MYH13: variants seen among roughly 807,000 people sequenced by gnomAD.
The protein encoded by MYH13 is myosin heavy chain 13.
MYH13 carries 177 observed loss-of-function variants against 232.1 expected under a neutral mutation model. The ratio of observed to expected loss-of-function variants is 0.76; its 90% CI spans 0.67 to 0.86. The LOEUF (loss-of-function observed/expected upper bound fraction) is 0.86, where lower values mean the gene tolerates loss of function less well. MYH13 is among the 40% of genes least tolerant of loss of function. MYH13 has a pLI of 0.00. For synonymous variants in MYH13, 884 were observed against 923.5 expected, an observed-to-expected ratio of 0.96 and a Z score of 0.78; for missense variants, 2,246 against 2,405.9, an observed-to-expected ratio of 0.93 and a Z score of 1.39.
chr17:10,322,547 T>C (rs970593247), intron 23 of MYH13, among the ~76,000 whole-genome samples: 1 of 151,798 alleles, frequency 6.6e-6, no homozygotes, highest in Non-Finnish European at 1.5e-5. Flanking sequence ...AGTTGCTAAC[T>C]CCTAATCTAT....
intron 24 of MYH13, 111 bp from the exon 25 acceptor site, chr17:10,320,607 G>T (rs1042756139): frequency 1.1e-5 from 13 of 1,221,612 alleles, no homozygotes; most frequent in Non-Finnish European, 1.5e-5. Context: ...CCTGTAGGGT[G>T]CTGGCTGCAA....
In MYH13 at chr17:10,311,944, C is replaced by G; in HGVS notation, c.4498G>C (p.Glu1500Gln). The G allele has an allele frequency of 6.2e-7, 1 of 1,614,012 alleles. No individual in the cohort carries two copies. The highest frequency in any genetic ancestry group is 8.5e-7 in the Non-Finnish European group (1 of 1,179,904). ...TTTTTGTTCTCTCGCCTCAGTGTCTCTAACTGGTCCACCACCTCCTCATAG... is the reference window on the plus strand; with the variant it reads ...TTTTTGTTCTCTCGCCTCAGTGTCTGTAACTGGTCCACCACCTCCTCATAG... Reference protein sequence around the residue: ...NAYEEVVDQLETLRRENKNLQ... With the variant: ...NAYEEVVDQLQTLRRENKNLQ... The change falls in exon 32 of 41, where the codon GAG becomes CAG. Residue 1500 changes from glutamate (E) to glutamine (Q), a missense_variant. By Grantham distance (29) the Glu-to-Gln change is conservative. Transcript: ENST00000252172.
In MYH13 at chr17:10,332,144, G is replaced by A. The variant is rs748717248; in HGVS notation, c.2253C>T (p.Asn751=). ...DSKNASEKLL[N]SIDVDREQFR... ...ACTGCTCCCGGTCCACATCGATGGA[G>A]TTGAGGAGCTTCTCTGAGGCATTTT... is the stretch of plus-strand genomic sequence containing the variant. Residue 751 remains asparagine (N), a synonymous_variant, in exon 20 of 41, where the codon AAC becomes AAT. Transcript: ENST00000252172. 3 of 1,613,922 alleles carry A rather than the reference G, an allele frequency of 1.9e-6. No homozygotes were observed. The highest frequency in any genetic ancestry group is 1.7e-6 in the Non-Finnish European group (2 of 1,179,914).
chr17:10,365,455 C>G (rs1360853442), intron 2 of MYH13, among the ~76,000 whole-genome samples: 3 of 152,188 alleles, frequency 2.0e-5, no homozygotes, highest in Non-Finnish European at 2.9e-5. Flanking sequence ...CGGGCCCTAT[C>G]CCCATGGTTT....
intron 7 of MYH13, 108 bp downstream of exon 7, chr17:10,359,852 C>G (rs2071778129): frequency 1.0e-6 from 1 of 961,892 alleles, no homozygotes. Flanking sequence ...AGAATTTTTC[C>G]TATTTGCCGT....
At chr17:10,310,629 C>T (rs1006474192) in intron 33 of MYH13, among the ~76,000 whole-genome samples, 13 of 152,144 alleles carry the variant, frequency 8.5e-5, no homozygotes, top group African/African-American at 2.7e-4. Context: ...AACCTATTCT[C>T]TAAAATGACA....
At chr17:10,349,335 G>T (rs1160308724) in intron 12 of MYH13, among the ~76,000 whole-genome samples, 4 of 151,932 alleles carry the variant, frequency 2.6e-5, no homozygotes, top group African/African-American at 9.7e-5. Context: ...TATAACCTCA[G>T]ATGATCCACC....
In MYH13 at chr17:10,330,440, C is replaced by T. The variant is rs746993123; in HGVS notation, c.2382G>A (p.Ala794=). The change falls in exon 21 of 41, where the codon GCG becomes GCA. Residue 794 remains alanine, a synonymous_variant. Coordinates refer to ENST00000252172, the MANE Select transcript of MYH13 (RefSeq NM_003802.3). ...KLVTLMTSTQ[A]VCRGYLMRVE... is the part of the protein sequence containing the mutation. Reference sequence around the variant, plus strand: ...CCCGCATCAGGTACCCCCTGCACACCGCCTGCGTGCTTGTCATCAGCGTCA... The same window carrying T: ...CCCGCATCAGGTACCCCCTGCACACTGCCTGCGTGCTTGTCATCAGCGTCA... 35 of 1,613,376 alleles carry T rather than the reference C, an allele frequency of 2.2e-5. No homozygotes were observed. Among genetic ancestry groups the T allele is most frequent in the South Asian group, 9.9e-5 (9 of 90,970 alleles).
intron 2 of MYH13, among the ~76,000 whole-genome samples, chr17:10,368,558 T>C (rs2071855288): frequency 2.0e-5 from 3 of 152,194 alleles, no homozygotes. Flanking sequence ...AAGTGTATGG[T>C]AGTGAAGAAT....
chr17:10,368,867 T>C (rs2071857932), intron 2 of MYH13, among the ~76,000 whole-genome samples: 1 of 152,158 alleles, frequency 6.6e-6, no homozygotes, highest in Non-Finnish European at 1.5e-5. Context: ...CCCAAAAGTG[T>C]TGGAAGATGA....
chr17:10,334,425 A>C (rs1437831504), intron 18 of MYH13, among the ~76,000 whole-genome samples: 1 of 152,222 alleles, frequency 6.6e-6, no homozygotes, highest in Non-Finnish European at 1.5e-5. Context: ...AAAATTAATT[A>C]ACATTTTAAA....
At chr17:10,317,305 C>A (rs972095076) in intron 27 of MYH13, among the ~76,000 whole-genome samples, 1 of 152,096 alleles carries the variant, frequency 6.6e-6, no homozygotes, top group African/African-American at 2.4e-5. Context: ...GGAAAAAGGG[C>A]AAACACATGG....
Position 10,326,981 on chromosome 17 carries a change from G to GTTTTTTTTTTTTTTTT in MYH13, c.2691+869_2691+884dup, listed in dbSNP as rs61543278. 1.6e-3 allele frequency among the ~76,000 whole-genome samples: 92 copies of GTTTTTTTTTTTTTTTT among 55,830 alleles called. 44 individuals are homozygous for GTTTTTTTTTTTTTTTT. Among genetic ancestry groups the GTTTTTTTTTTTTTTTT allele is most frequent in the East Asian group, 8.1e-3 (13 of 1,608 alleles). 36.6% of individuals were successfully genotyped at this position (55,830 alleles called of 152,430 possible). A position where few individuals can be genotyped will look rare whatever the true frequency, so the allele number is the denominator to read the frequency against. ...GAGACATGCACCACCATGCCTACTA[G>GTTTTTTTTTTTTTTTT]TTTTTTTTTTTTTTTTTTTTTTTTT... is the stretch of plus-strand genomic sequence containing the variant. On this transcript the variant is annotated intron_variant, in intron 22 of 40. Transcript: ENST00000252172.
chr17:10,319,848 G>A (rs907921584), intron 26 of MYH13, among the ~76,000 whole-genome samples: 1 of 152,208 alleles, frequency 6.6e-6, no homozygotes. Context: ...GCACATCCCA[G>A]TGAAATTGGC....
rs1026157968 is a variant in MYH13 at position 10,327,971 on chromosome 17, C to T, written c.2586G>A (p.Arg862=). Residue 862 remains arginine, a synonymous_variant, in exon 22 of 41, where the codon AGG becomes AGA. Coordinates refer to ENST00000252172, the MANE Select transcript of MYH13 (RefSeq NM_003802.3). ...CAGATCGGGCCAGTTCTTCCTTGGT[C>T]CTCTCAAAGTCTTCCTTCATGGTGG... ...EMATMKEDFE[R]TKEELARSEA... 2.5e-6 allele frequency: 4 copies of T among 1,613,958 alleles called. No individual in the cohort carries two copies. The Admixed American group carries it at 5.0e-5, about 20-fold the overall frequency.
chr17:10,365,840 GGTGTGTGTGTGTGTGT>G (rs150455118), intron 2 of MYH13, among the ~76,000 whole-genome samples: 86 of 140,282 alleles, frequency 6.1e-4, no homozygotes, highest in Middle Eastern at 3.6e-3. Flanking sequence ...CTTGCTGCAT[GGTGTGTGTGTGTGTGT>G]GTGTGTGTGT....
In MYH13 at chr17:10,306,340, C is replaced by A; in HGVS notation, c.5466+119G>T. On this transcript the variant is annotated intron_variant, in intron 37 of 40. Coordinates refer to ENST00000252172, the MANE Select transcript of MYH13 (RefSeq NM_003802.3). This position sits in a 1 kb window ranked among gnomAD's most constrained non-coding sequence, Gnocchi z 4.3. ...GCTCACAGGGAATTTTTCAAGCAGT[C>A]CTGAAACTGAATTTGCAATCTATTC... The A allele has an allele frequency of 1.4e-6, 2 of 1,425,804 alleles. No homozygotes were observed. The highest frequency in any genetic ancestry group is 2.6e-5 in the South Asian group (2 of 75,660). The allele number at this position is 1,425,804 out of a possible 1,614,324, so 88.3% of individuals were successfully genotyped here. A position where few individuals can be genotyped will look rare whatever the true frequency, so the allele number is the denominator to read the frequency against.
At chr17:10,365,122 G>A (rs144171243) in intron 2 of MYH13, among the ~76,000 whole-genome samples, 285 of 152,170 alleles carry the variant, frequency 1.9e-3, no homozygotes, top group African/African-American at 6.7e-3. Context: ...TAATCTGCCC[G>A]CCTTGACCTC....
At chr17:10,317,202 C>G (rs1340855240) in intron 27 of MYH13, among the ~76,000 whole-genome samples, 1 of 152,164 alleles carries the variant, frequency 6.6e-6, no homozygotes, top group East Asian at 1.9e-4. Flanking sequence ...TCCTACCCAG[C>G]TACCCCTGCA....
Sources: gnomAD v4.1 joint callset for allele counts (sites outside exome capture counted in the v4.1 genomes callset) on GRCh38, gnomAD v4.1.1 for gene constraint, Gnocchi (gnomAD v3.1) non-coding constraint, MANE v1.5 for transcripts, NCBI Gene and HGNC (gene_info 2026-07-23, HGNC 2026-07-21) for gene names.